Variants in RCAN2 observed in about 807,000 individuals in gnomAD.
The protein encoded by RCAN2 is regulator of calcineurin 2.
Under a neutral mutation model 23.6 loss-of-function variants are expected in RCAN2, and 9 were observed. That is an observed-to-expected ratio of 0.38 (90% CI 0.23 to 0.67). The LOEUF (loss-of-function observed/expected upper bound fraction) is 0.67. Ranked by LOEUF, RCAN2 falls within the 30% of genes least tolerant of loss-of-function variation. The pLI, the probability that RCAN2 is intolerant of heterozygous loss-of-function variation, is 0.51. For synonymous variants in RCAN2, 109 were observed against 115.7 expected, an observed-to-expected ratio of 0.94 and a Z score of 0.37; for missense variants, 273 against 302.3, an observed-to-expected ratio of 0.90 and a Z score of 0.72.
intron 2 of RCAN2, among the ~76,000 whole-genome samples, chr6:46,295,299 C>T (rs939300605): frequency 4.6e-5 from 7 of 151,990 alleles, no homozygotes; most frequent in Non-Finnish European, 5.9e-5. Flanking sequence ...GAGACAGAAG[C>T]CATCAGCATA....
At chr6:46,439,273 C>T (rs1385345513) in intron 2 of RCAN2, among the ~76,000 whole-genome samples, 1 of 152,198 alleles carries the variant, frequency 6.6e-6, no homozygotes, top group African/African-American at 2.4e-5. Context: ...ACATGTACAG[C>T]TGAGTCTTTT....
At position 46,491,435 on chromosome 6, in the gene RCAN2, G is replaced by A. The variant is rs1305693750; in HGVS notation, c.-265C>T. 5 of 152,408 alleles carry A rather than the reference G, an allele frequency of 3.3e-5. No individual in the cohort carries two copies. The highest frequency in any genetic ancestry group is 1.9e-4 in the East Asian group (1 of 5,142). 9.4% of individuals were successfully genotyped at this position (152,408 alleles called of 1,614,324 possible). A position where few individuals can be genotyped will look rare whatever the true frequency, so the allele number is the denominator to read the frequency against. On this transcript the variant is annotated 5_prime_UTR_variant, in exon 1 of 5. Transcript: ENST00000371374. ...CCGCAACCTCCGCCGCCGTCACCCG[G>A]GACAAAGCGGCTCCAGGGAGGGGCT...
intron 2 of RCAN2, among the ~76,000 whole-genome samples, chr6:46,352,651 CT>C (rs1764700547): frequency 6.6e-6 from 1 of 152,154 alleles, no homozygotes; most frequent in South Asian, 2.1e-4. Context: ...ATTCACTGTG[CT>C]CTAGAACTTT....
At chr6:46,249,629 G>A (rs1469727844) in intron 2 of RCAN2, among the ~76,000 whole-genome samples, 1 of 151,998 alleles carries the variant, frequency 6.6e-6, no homozygotes, top group African/African-American at 2.4e-5. Flanking sequence ...CTAGGGAGGG[G>A]TGGGCACTTT....
At chr6:46,483,477 C>T (rs1209988002) in intron 1 of RCAN2, among the ~76,000 whole-genome samples, 1 of 152,106 alleles carries the variant, frequency 6.6e-6, no homozygotes, top group Non-Finnish European at 1.5e-5. Flanking sequence ...AGGCTGAAAC[C>T]AAACCAGCAT....
chr6:46,425,548 G>C lies in RCAN2; in HGVS notation c.225+31204C>G, dbSNP rs531502906. Among the ~76,000 whole-genome samples the C allele has an allele frequency of 3.5e-4, 53 of 152,236 alleles. No homozygotes were observed. In the South Asian group the frequency reaches 0.011, roughly 32 times the overall value. On this transcript the variant is annotated intron_variant, in intron 2 of 4. Coordinates refer to ENST00000371374, the MANE Select transcript of RCAN2 (RefSeq NM_001251974.2). Reference sequence around the variant, plus strand: ...TGAAGATATATTTAGACTGATGTAAGAATTTTTTTAAAAAAAGATATTTTA... The same window carrying C: ...TGAAGATATATTTAGACTGATGTAACAATTTTTTTAAAAAAAGATATTTTA...
chr6:46,408,848 G>A (rs1411797766), intron 2 of RCAN2, among the ~76,000 whole-genome samples: 1 of 152,142 alleles, frequency 6.6e-6, no homozygotes, highest in Non-Finnish European at 1.5e-5. Context: ...ATCCTTCCAT[G>A]GATGCCTGGT....
chr6:46,378,872 T>C (rs750890731), intron 2 of RCAN2, among the ~76,000 whole-genome samples: 2 of 152,226 alleles, frequency 1.3e-5, no homozygotes, highest in Non-Finnish European at 2.9e-5. Context: ...GTGATACTGA[T>C]GGACTAGAGA....
intron 1 of RCAN2, among the ~76,000 whole-genome samples, chr6:46,461,551 G>A (rs1350112196): frequency 6.6e-6 from 1 of 151,818 alleles, no homozygotes; most frequent in East Asian, 1.9e-4. Flanking sequence ...GCTGTAAATA[G>A]GGGGCCTTCT....
At chr6:46,366,454 T>G (rs1229450329) in intron 2 of RCAN2, among the ~76,000 whole-genome samples, 1 of 152,122 alleles carries the variant, frequency 6.6e-6, no homozygotes, top group East Asian at 1.9e-4. Context: ...AGTTCCTTAT[T>G]TCCAGTGACA....
intron 2 of RCAN2, among the ~76,000 whole-genome samples, chr6:46,301,684 T>C (rs1183083454): frequency 6.6e-6 from 1 of 152,012 alleles, no homozygotes; most frequent in Non-Finnish European, 1.5e-5. Flanking sequence ...GAGAAGTGAC[T>C]GAGTAAGGGA....
intron 2 of RCAN2, among the ~76,000 whole-genome samples, chr6:46,438,893 A>AT (rs1419117175): frequency 6.6e-6 from 1 of 152,144 alleles, no homozygotes. Flanking sequence ...TGGCTGATTG[A>AT]TTGATTGCTG....
intron 2 of RCAN2, among the ~76,000 whole-genome samples, chr6:46,439,625 T>C (rs922613771): frequency 1.3e-5 from 2 of 152,200 alleles, no homozygotes; most frequent in Non-Finnish European, 2.9e-5. Context: ...CTTAGATATG[T>C]AAACTCAGAG....
At chr6:46,372,938 T>C (rs1251767256) in intron 2 of RCAN2, among the ~76,000 whole-genome samples, 1 of 152,142 alleles carries the variant, frequency 6.6e-6, no homozygotes, top group Non-Finnish European at 1.5e-5. Flanking sequence ...CAAAGGAAAA[T>C]GAGTCTCAGA....
intron 2 of RCAN2, among the ~76,000 whole-genome samples, chr6:46,366,280 C>T (rs934066575): frequency 1.3e-5 from 2 of 152,162 alleles, no homozygotes; most frequent in Non-Finnish European, 2.9e-5. Flanking sequence ...TGGTGAAGTG[C>T]AAGACCTTTT....
Position 46,467,869 on chromosome 6 carries a change from TCAGA to T in RCAN2, c.-2-10895_-2-10892del, listed in dbSNP as rs940624665. 1.1e-4 allele frequency among the ~76,000 whole-genome samples: 17 copies of T among 152,328 alleles called. No homozygotes were observed. In the East Asian group the frequency reaches 2.1e-3, roughly 19 times the overall value. ...GTGAAAAAATGCAAGAACACTGAAG[TCAGA>T]CAGACTCAGACTGAAATCCCAGCTC... On this transcript the variant is annotated intron_variant, in intron 1 of 4. Transcript: ENST00000371374.
intron 1 of RCAN2, among the ~76,000 whole-genome samples, chr6:46,470,144 A>G (rs774653424): frequency 2.0e-5 from 3 of 152,230 alleles, no homozygotes; most frequent in Non-Finnish European, 4.4e-5. Flanking sequence ...AACTTTAATG[A>G]ACTGAAACCA....
intron 2 of RCAN2, among the ~76,000 whole-genome samples, chr6:46,389,790 A>T (rs1582162885): frequency 6.6e-6 from 1 of 152,240 alleles, no homozygotes; most frequent in South Asian, 2.1e-4. Context: ...TACGGCAGCC[A>T]ACAGCCATGC....
At position 46,388,938 on chromosome 6, in the gene RCAN2, G is replaced by A. The variant is rs564993894; in HGVS notation, c.225+67814C>T. ...TGTAACAAACCTGCACGTACTGCAC[G>A]TGTATCCCAGAACTTAAAGTAAAAT... On this transcript the variant is annotated intron_variant, in intron 2 of 4. Coordinates refer to ENST00000371374, the MANE Select transcript of RCAN2 (RefSeq NM_001251974.2). Among the ~76,000 whole-genome samples, 72 of 152,202 alleles carry A rather than the reference G, an allele frequency of 4.7e-4. 1 individual carries two copies. The highest frequency in any genetic ancestry group is 1.7e-3 in the South Asian group (8 of 4,814).
Sources: gnomAD v4.1 joint callset for allele counts (sites outside exome capture counted in the v4.1 genomes callset) on GRCh38, gnomAD v4.1.1 for gene constraint, MANE v1.5 for transcripts, NCBI Gene and HGNC (gene_info 2026-07-23, HGNC 2026-07-21) for gene names.